Variants in SMARCA2 observed in about 807,000 individuals in gnomAD.
SMARCA2 encodes SWI/SNF-related matrix-associated actin-dependent regulator of chromatin subfamily A member 2.
Under a neutral mutation model 199.8 loss-of-function variants are expected in SMARCA2, and 61 were observed. The ratio of observed to expected loss-of-function variants is 0.31; its 90% CI spans 0.25 to 0.38. The LOEUF (loss-of-function observed/expected upper bound fraction) is 0.38, where lower values mean the gene tolerates loss of function less well. SMARCA2 is among the 10% of genes least tolerant of loss of function. The pLI is 1.00. For missense variants in SMARCA2, 1,344 were observed against 2,012.2 expected, an observed-to-expected ratio of 0.67 and a Z score of 6.35; for synonymous variants, 935 against 732.0, an observed-to-expected ratio of 1.28 and a Z score of -4.48.
chr9:2,070,491 T>C lies in SMARCA2; in HGVS notation c.1746+20T>C, dbSNP rs746709609. On this transcript the variant is annotated intron_variant, in intron 10 of 33. Transcript: ENST00000349721. ...GGAGAGGTAAGGGATCGTCATCCTT[T>C]CCACTGTGTTCTGCTGAATGGAGTC... is the stretch of plus-strand genomic sequence containing the variant. 7.5e-6 allele frequency: 12 copies of C among 1,594,588 alleles called. No homozygotes were observed. In the South Asian group the frequency reaches 1.1e-4, roughly 15 times the overall value.
At chr9:2,182,388 G>C in intron 31 of SMARCA2, 146 bp downstream of exon 31, 1 of 515,484 alleles carries the variant, frequency 1.9e-6, no homozygotes, top group Non-Finnish European at 3.5e-6. Context: ...TGCTACCTGT[G>C]TAAGAAAATA....
At chr9:2,143,805 C>T (rs750816188) in intron 27 of SMARCA2, among the ~76,000 whole-genome samples, 4 of 152,186 alleles carry the variant, frequency 2.6e-5, no homozygotes, top group Non-Finnish European at 5.9e-5. Flanking sequence ...CAGTGGAATT[C>T]CCAATTGGTG....
At chr9:2,134,428 C>T (rs1824105800) in intron 27 of SMARCA2, among the ~76,000 whole-genome samples, 1 of 152,190 alleles carries the variant, frequency 6.6e-6, no homozygotes, top group African/African-American at 2.4e-5. Context: ...CCTAGCTGTA[C>T]ACCAACCTAT....
chr9:2,088,371 C>A, intron 18 of SMARCA2, 129 bp from the exon 19 acceptor site: 1 of 1,049,782 alleles, frequency 9.5e-7, no homozygotes, highest in Non-Finnish European at 1.3e-6. Flanking sequence ...ATATGACAGG[C>A]TTAAACTTGG....
At position 2,029,930 on chromosome 9, in the gene SMARCA2, C is replaced by G. The variant is rs186681310; in HGVS notation, c.225+683C>G. Among the ~76,000 whole-genome samples, 64 of 152,286 alleles carry G rather than the reference C, an allele frequency of 4.2e-4. 1 individual carries two copies. Among genetic ancestry groups the G allele is most frequent in the African/African-American group, 1.3e-3 (54 of 41,536 alleles). ...TCTGTACAACTTGGCATTATGCCTT[C>G]ACAGGAGATGCAAAGAAGAGAGACA... On this transcript the variant is annotated intron_variant, in intron 2 of 33. Coordinates refer to ENST00000349721, the MANE Select transcript of SMARCA2 (RefSeq NM_003070.5).
chr9:2,070,409 G>A lies in SMARCA2; in HGVS notation c.1693-9G>A. 2 of 1,613,348 alleles carry A rather than the reference G, an allele frequency of 1.2e-6. No homozygotes were observed. The highest frequency in any genetic ancestry group is 2.7e-5 in the African/African-American group (2 of 75,022). ...GTTACTTATAACATTCGACATTGTT[G>A]TTTTGCAGAAGGCTGAGGAGAATGC... is the stretch of plus-strand genomic sequence containing the variant. On this transcript the variant is annotated splice_polypyrimidine_tract_variant and intron_variant, in intron 9 of 33. Transcript: ENST00000349721.
At chr9:2,159,678 C>A in intron 27 of SMARCA2, 1 of 1,095,648 alleles carries the variant, frequency 9.1e-7, no homozygotes, top group Non-Finnish European at 1.3e-6. Flanking sequence ...AGGAAGCCTT[C>A]GGGCCTTGTA....
Position 2,119,657 on chromosome 9 carries a change from T to A in SMARCA2, c.3762+122T>A, listed in dbSNP as rs897463859. The A allele has an allele frequency of 1.0e-5, 7 of 676,548 alleles. No homozygotes were observed. The highest frequency in any genetic ancestry group is 1.3e-5 in the Non-Finnish European group (5 of 380,538). The allele number at this position is 676,548 out of a possible 1,614,324, so 41.9% of individuals were successfully genotyped here. A position where few individuals can be genotyped will look rare whatever the true frequency, so the allele number is the denominator to read the frequency against. On this transcript the variant is annotated intron_variant, in intron 26 of 33. Coordinates refer to ENST00000349721, the MANE Select transcript of SMARCA2 (RefSeq NM_003070.5). This position sits in a 1 kb window ranked among gnomAD's most constrained non-coding sequence, Gnocchi z 4.6. ...CATACGTAAAGCCTATGCCTTTCCT[T>A]CAGTTCAGAGGCTGCAAACTGGCTG...
At chr9:2,021,291 C>A (rs1818589956) in intron 1 of SMARCA2, among the ~76,000 whole-genome samples, 1 of 151,818 alleles carries the variant, frequency 6.6e-6, no homozygotes, top group South Asian at 2.1e-4. Flanking sequence ...AATTGAAACT[C>A]CCTCCTTTAA....
chr9:2,172,583 C>G (rs1245255602), intron 29 of SMARCA2, among the ~76,000 whole-genome samples: 2 of 152,068 alleles, frequency 1.3e-5, no homozygotes, highest in East Asian at 3.9e-4. Flanking sequence ...CTGGATGAGG[C>G]TGGAGAAGCC....
At chr9:2,026,179 T>C (rs1818821252) in intron 1 of SMARCA2, among the ~76,000 whole-genome samples, 1 of 152,200 alleles carries the variant, frequency 6.6e-6, no homozygotes, top group Non-Finnish European at 1.5e-5. Context: ...TCACGTCACG[T>C]TCTATGAGAG....
intron 9 of SMARCA2, among the ~76,000 whole-genome samples, chr9:2,064,078 T>A (rs1820720504): frequency 3.9e-5 from 6 of 152,206 alleles, no homozygotes; most frequent in Admixed American, 3.9e-4. Flanking sequence ...AAGATGAATG[T>A]GCTATTATGT....
At chr9:2,058,263 C>A in intron 7 of SMARCA2, 28 bp from the exon 8 acceptor site, 1 of 1,604,038 alleles carries the variant, frequency 6.2e-7, no homozygotes, top group South Asian at 1.1e-5. Flanking sequence ...TTTTAAGTAT[C>A]CTTTTCTTCC....
intron 2 of SMARCA2, among the ~76,000 whole-genome samples, chr9:2,032,328 A>T (rs942825554): frequency 5.3e-5 from 8 of 152,336 alleles, no homozygotes; most frequent in African/African-American, 1.7e-4. Context: ...TTTTGGGTCC[A>T]GCCCCTGTGT....
intron 1 of SMARCA2, 27 bp from the exon 2 acceptor site, chr9:2,028,960 C>T (rs1818947646): frequency 2.0e-6 from 3 of 1,517,838 alleles, no homozygotes; most frequent in Non-Finnish European, 2.7e-6. Context: ...TAAAACATGC[C>T]TTCCTTTTTT....
rs369051102 is a variant in SMARCA2 at position 2,077,713 on chromosome 9, C to A, written c.2121C>A (p.Ala707=). Residue 707 remains alanine, a synonymous_variant, in exon 14 of 34, where the codon GCC becomes GCA. Coordinates refer to ENST00000349721, the MANE Select transcript of SMARCA2 (RefSeq NM_003070.5). Reference sequence around the variant, plus strand: ...AGTCCTACTACACCGTGGCTCATGCCATCTCGGAGAGGGTGGAGAAACAGT... The same window carrying A: ...AGTCCTACTACACCGTGGCTCATGCAATCTCGGAGAGGGTGGAGAAACAGT... ...GSQSYYTVAH[A]ISERVEKQSA... is the part of the protein sequence containing the mutation. The A allele has an allele frequency of 3.1e-6, 5 of 1,614,068 alleles. No homozygotes were observed. The highest frequency in any genetic ancestry group is 4.2e-6 in the Non-Finnish European group (5 of 1,179,940).
chr9:2,017,097 A>G lies in SMARCA2; in HGVS notation c.-37+1693A>G, dbSNP rs536897084. On this transcript the variant is annotated intron_variant, in intron 1 of 33. Transcript: ENST00000349721. This position sits in a 1 kb window ranked among gnomAD's most constrained non-coding sequence, Gnocchi z 8.8. ...GGGCACTTGGGCCGGTTTCCGGTAC[A>G]CGCGGGGAAATCGCCTCCTGCCAGT... 7 of 152,190 alleles carry G rather than the reference A, an allele frequency of 4.6e-5. No individual in the cohort carries two copies. Among genetic ancestry groups the G allele is most frequent in the Admixed American group, 1.3e-4 (2 of 15,278 alleles). The allele number at this position is 152,190 out of a possible 1,614,324, so 9.4% of individuals were successfully genotyped here. A position where few individuals can be genotyped will look rare whatever the true frequency, so the allele number is the denominator to read the frequency against.
chr9:2,027,129 C>G (rs1045019719), intron 1 of SMARCA2, among the ~76,000 whole-genome samples: 1 of 152,138 alleles, frequency 6.6e-6, no homozygotes, highest in Non-Finnish European at 1.5e-5. Flanking sequence ...ACACTGATGA[C>G]TCTGTGGTTT....
At chr9:2,129,269 T>C (rs1823832711) in intron 27 of SMARCA2, among the ~76,000 whole-genome samples, 1 of 151,952 alleles carries the variant, frequency 6.6e-6, no homozygotes, top group Non-Finnish European at 1.5e-5. Flanking sequence ...ATACAAAAAA[T>C]TAGCCGGGCG....
Sources: gnomAD v4.1 joint callset for allele counts (sites outside exome capture counted in the v4.1 genomes callset) on GRCh38, gnomAD v4.1.1 for gene constraint, Gnocchi (gnomAD v3.1) non-coding constraint, MANE v1.5 for transcripts, NCBI Gene and HGNC (gene_info 2026-07-23, HGNC 2026-07-21) for gene names.